The following MYO10 variants were observed in gnomAD, a reference collection of about 807,000 sequenced individuals.
MYO10 encodes the protein unconventional myosin-X.
In MYO10, 133 loss-of-function variants were observed where a neutral mutation model predicts 257.3. The observed-to-expected ratio is 0.52, with a 90% confidence interval of 0.45 to 0.60. The LOEUF is 0.60. MYO10 is among the 20% of genes least tolerant of loss of function. The pLI is 0.00. For missense variants in MYO10, 2,399 were observed against 2,635.7 expected (o/e 0.91, Z 1.97); for synonymous variants, 1,104 against 1,028.6 (o/e 1.07, Z -1.40).
intron 1 of MYO10, among the ~76,000 whole-genome samples, chr5:16,889,067 G>C (rs1181143731): frequency 6.6e-6 from 1 of 151,988 alleles, no homozygotes; most frequent in Non-Finnish European, 1.5e-5. Context: ...CAACTACTCA[G>C]CAGGCTGAGG....
intron 19 of MYO10, among the ~76,000 whole-genome samples, chr5:16,719,981 T>TGTGC (rs1193093170): frequency 3.9e-4 from 46 of 117,324 alleles, no homozygotes; most frequent in Middle Eastern, 7.8e-3. Context: ...AATAAATGTG[T>TGTGC]GTGCGTGCGT....
intron 2 of MYO10, among the ~76,000 whole-genome samples, chr5:16,876,879 C>T (rs1197917829): frequency 6.6e-6 from 1 of 152,122 alleles, no homozygotes; most frequent in African/African-American, 2.4e-5. Context: ...GTATTCTCCC[C>T]CCAAATTAAT....
chr5:16,739,465 G>C (rs1739935188), intron 19 of MYO10, among the ~76,000 whole-genome samples: 1 of 152,058 alleles, frequency 6.6e-6, no homozygotes, highest in Admixed American at 6.6e-5. Context: ...TGGCTTTAAT[G>C]AGGGCAGTTT....
chr5:16,866,014 A>AACACAC (rs34718010), intron 2 of MYO10, among the ~76,000 whole-genome samples: 3,361 of 136,498 alleles, frequency 0.025, 128 homozygotes, highest in African/African-American at 0.082. Flanking sequence ...TATTTACCCA[A>AACACAC]ACACACACAC....
intron 3 of MYO10, among the ~76,000 whole-genome samples, chr5:16,813,779 C>T (rs942067403): frequency 6.6e-6 from 1 of 152,010 alleles, no homozygotes; most frequent in Admixed American, 6.6e-5. Context: ...AAGCAGACAG[C>T]CTTTCTTGGC....
At chr5:16,838,217 G>A (rs867648174) in intron 2 of MYO10, among the ~76,000 whole-genome samples, 1 of 152,202 alleles carries the variant, frequency 6.6e-6, no homozygotes, top group Non-Finnish European at 1.5e-5. Context: ...AAGGCATGGC[G>A]AAAGTTAAGA....
chr5:16,712,080 G>A (rs1190559244), intron 19 of MYO10, among the ~76,000 whole-genome samples: 2 of 149,816 alleles, frequency 1.3e-5, no homozygotes, highest in Admixed American at 6.7e-5. Context: ...ACTTGGTGAT[G>A]GGTGGATACC....
intron 9 of MYO10, among the ~76,000 whole-genome samples, chr5:16,778,507 G>T (rs1031568162): frequency 1.3e-5 from 2 of 152,000 alleles, no homozygotes; most frequent in African/African-American, 4.8e-5. Flanking sequence ...ACCTGCCCAG[G>T]GCTTGTCTGG....
chr5:16,796,927 A>C (rs1051606642), intron 3 of MYO10, among the ~76,000 whole-genome samples: 1 of 152,162 alleles, frequency 6.6e-6, no homozygotes, highest in Non-Finnish European at 1.5e-5. Flanking sequence ...AGAAGAGGAA[A>C]TTTGAACACA....
intron 2 of MYO10, among the ~76,000 whole-genome samples, chr5:16,860,298 T>C (rs1173361436): frequency 6.6e-6 from 1 of 152,000 alleles, no homozygotes; most frequent in Non-Finnish European, 1.5e-5. Flanking sequence ...TGGAAGTAAA[T>C]AGCAAATAAG....
chr5:16,893,633 CAA>C (rs58021066), intron 1 of MYO10, among the ~76,000 whole-genome samples: 10 of 57,202 alleles, frequency 1.7e-4, no homozygotes, highest in Non-Finnish European at 1.5e-4. Context: ...GACTCTGTCT[CAA>C]AAAAAAAAAA....
chr5:16,801,952 G>A (rs1316331102), intron 3 of MYO10, among the ~76,000 whole-genome samples: 1 of 152,176 alleles, frequency 6.6e-6, no homozygotes, highest in Non-Finnish European at 1.5e-5. Flanking sequence ...AGCCCTGAAA[G>A]GGATGGAAAT....
chr5:16,668,976 C>A (rs1256728724), intron 39 of MYO10, among the ~76,000 whole-genome samples: 7 of 152,158 alleles, frequency 4.6e-5, no homozygotes, highest in African/African-American at 1.7e-4. Context: ...TCACAAGGAG[C>A]AGCAATGGCC....
rs560757658 is a variant in MYO10 at position 16,785,545 on chromosome 5, C to T, written c.468-2076G>A. Among the ~76,000 whole-genome samples, 73 of 152,156 alleles carry T rather than the reference C, an allele frequency of 4.8e-4. 1 individual carries two copies. The highest frequency in any genetic ancestry group is 9.1e-4 in the Non-Finnish European group (62 of 68,028). ...CTCTTTATCCTCGGGCACACAGAAG[C>T]CGAAAACATTTAGACTCCCTTGCAG... On this transcript the variant is annotated intron_variant, in intron 4 of 40. Coordinates refer to ENST00000513610, the MANE Select transcript of MYO10 (RefSeq NM_012334.3).
At chr5:16,890,052 A>C (rs1745008683) in intron 1 of MYO10, among the ~76,000 whole-genome samples, 1 of 151,952 alleles carries the variant, frequency 6.6e-6, no homozygotes, top group Non-Finnish European at 1.5e-5. Flanking sequence ...TGAACGACCC[A>C]AGAACACAGT....
chr5:16,916,868 A>C (rs147524801), intron 1 of MYO10, among the ~76,000 whole-genome samples: 2 of 152,334 alleles, frequency 1.3e-5, no homozygotes, highest in East Asian at 3.9e-4. Flanking sequence ...TGGTAACAAA[A>C]ATGTTGGTAA....
intron 27 of MYO10, among the ~76,000 whole-genome samples, chr5:16,692,425 A>G (rs4702166): frequency 0.28 from 43,187 of 151,988 alleles, 6,330 homozygotes; most frequent in South Asian, 0.37. Flanking sequence ...GTCTCAAAAA[A>G]ATAAAAATAA....
At chr5:16,815,577 C>A (rs1742578897) in intron 3 of MYO10, 3 of 640,894 alleles carry the variant, frequency 4.7e-6, no homozygotes, top group Admixed American at 2.6e-5. Context: ...TGCACAACTA[C>A]CAGGTGCCTG....
intron 19 of MYO10, among the ~76,000 whole-genome samples, chr5:16,720,591 TG>T (rs1739115539): frequency 6.6e-6 from 1 of 152,108 alleles, no homozygotes; most frequent in African/African-American, 2.4e-5. Flanking sequence ...GTAGCTGGGA[TG>T]GGAATATAGG....
Sources: gnomAD v4.1 joint callset for allele counts (sites outside exome capture counted in the v4.1 genomes callset) on GRCh38, gnomAD v4.1.1 for gene constraint, MANE v1.5 for transcripts, NCBI Gene and HGNC (gene_info 2026-07-23, HGNC 2026-07-21) for gene names.